PCDH1: variants seen among roughly 807,000 people sequenced by gnomAD.
PCDH1 encodes protocadherin-1.
In PCDH1, 23 loss-of-function variants were observed where a neutral mutation model predicts 74.6. That is an observed-to-expected ratio of 0.31 (90% confidence interval 0.22 to 0.44). The LOEUF is 0.44. Ranked by LOEUF, PCDH1 falls within the 20% of genes least tolerant of loss-of-function variation. PCDH1 has a pLI of 1.00. For missense variants in PCDH1, 1,214 were observed against 1,641.4 expected, an observed-to-expected ratio of 0.74 and a Z score of 4.50; for synonymous variants, 647 against 686.1, an observed-to-expected ratio of 0.94 and a Z score of 0.89.
At chr5:141,876,295 C>A (rs912637701) in intron 1 of PCDH1, among the ~76,000 whole-genome samples, 1 of 152,186 alleles carries the variant, frequency 6.6e-6, no homozygotes, top group Non-Finnish European at 1.5e-5. Context: ...GCCCCCCGCA[C>A]CCAGGCCACC....
Position 141,865,400 on chromosome 5 carries a change from C to T in PCDH1, c.931G>A (p.Ala311Thr). ...AATGTGTATTCGATTTCTGCATTGG[C>T]ACCTTGGTCTGAGTCATTGGCCTTC... The part of the protein sequence containing the change: ...QVKANDSDQG[A>T]NAEIEYTFHQ... The change falls in exon 3 of 5, where the codon GCC (alanine) becomes ACC (threonine). Residue 311 changes from alanine (A) to threonine (T), a missense_variant. Ala to Thr is a moderately conservative substitution (Grantham distance 58). Transcript: ENST00000287008. This position sits in a 1 kb window ranked among gnomAD's most constrained non-coding sequence, Gnocchi z 4.4. 1 of 1,613,652 alleles carries T rather than the reference C, an allele frequency of 6.2e-7. No individual in the cohort carries two copies. The highest frequency in any genetic ancestry group is 1.1e-5 in the South Asian group (1 of 91,080).
rs571384882 is a variant in PCDH1 at position 141,854,237 on chromosome 5, G to T, written c.3519C>A (p.Ser1173Arg). 1.7e-5 allele frequency: 28 copies of T among 1,611,866 alleles called. No individual in the cohort carries two copies. The South Asian group carries it at 2.5e-4, about 15-fold the overall frequency. Residue 1173 changes from serine to arginine, a missense_variant, in exon 5 of 5, where the codon AGC becomes AGA. Around this residue, in one of 4 missense-constraint regions of PCDH1, gnomAD observed 194 missense variants for 198.3 expected, o/e 0.98. Coordinates refer to ENST00000287008, the MANE Select transcript of PCDH1 (RefSeq NM_032420.5). ...TTTTGGTGTTCCGGTCTTCCGGGGGGCTGGGGCTGCCGGCGCCCGCAGGCT... is the reference window on the plus strand; with the variant it reads ...TTTTGGTGTTCCGGTCTTCCGGGGGTCTGGGGCTGCCGGCGCCCGCAGGCT... Reference protein sequence around the residue: ...GQEPAGAGSPSPPEDRNTKTA... With the variant: ...GQEPAGAGSPRPPEDRNTKTA...
chr5:141,863,498 C>T lies in PCDH1; in HGVS notation c.2833G>A (p.Ala945Thr), dbSNP rs529918090. Residue 945 changes from alanine to threonine, a missense_variant, in exon 3 of 5, where the codon GCC becomes ACC. This residue lies in a region of PCDH1 where 836 missense variants were observed against 1,182.2 expected (regional missense o/e 0.71). Transcript: ENST00000287008. This position sits in a 1 kb window ranked among gnomAD's most constrained non-coding sequence, Gnocchi z 7.5. ...KSLKFNLMSD[A>T]PGDSPRIHLP... ...TGGATGCGGGGACTGTCCCCAGGGG[C>T]ATCGCTCATCAGGTTGAACTTGAGG... 12 of 1,611,500 alleles carry T rather than the reference C, an allele frequency of 7.4e-6. No individual in the cohort carries two copies. Among genetic ancestry groups the T allele is most frequent in the African/African-American group, 1.3e-5 (1 of 75,008 alleles).
At chr5:141,873,599 A>C (rs1596562888) in intron 1 of PCDH1, among the ~76,000 whole-genome samples, 2 of 143,570 alleles carry the variant, frequency 1.4e-5, no homozygotes, top group East Asian at 2.1e-4. Context: ...GGCGCCCGCC[A>C]CCATGCCCAG....
chr5:141,870,111 G>A (rs573843061), intron 1 of PCDH1, among the ~76,000 whole-genome samples: 181 of 152,266 alleles, frequency 1.2e-3, no homozygotes, highest in Non-Finnish European at 2.0e-3. Context: ...AATCACCCAC[G>A]GTGCCCAGTA....
chr5:141,863,207 T>A lies in PCDH1; in HGVS notation c.3099+25A>T. 1 of 1,559,924 alleles carries A rather than the reference T, an allele frequency of 6.4e-7. No individual in the cohort carries two copies. Among genetic ancestry groups the A allele is most frequent in the East Asian group, 2.2e-5 (1 of 44,532 alleles). On this transcript the variant is annotated intron_variant, in intron 3 of 4. Coordinates refer to ENST00000287008, the MANE Select transcript of PCDH1 (RefSeq NM_032420.5). The surrounding 1 kb of genome is among the most constrained non-coding windows in gnomAD (Gnocchi z 7.5). Reference sequence around the variant, plus strand: ...TAGGGGTGGGGTAGGGGCTGGGGTGTGCTGAGCTGAAAGGGCTGGCCTACC... The same window carrying A: ...TAGGGGTGGGGTAGGGGCTGGGGTGAGCTGAGCTGAAAGGGCTGGCCTACC...
intron 1 of PCDH1, among the ~76,000 whole-genome samples, chr5:141,873,545 C>G (rs6886546): frequency 0.15 from 22,357 of 151,102 alleles, 3,228 homozygotes; most frequent in African/African-American, 0.38. Context: ...CTGCCAGGTT[C>G]ACGCCATTCT....
At position 141,866,052 on chromosome 5, in the gene PCDH1, A is replaced by T; in HGVS notation, c.904-625T>A. Reference sequence around the variant, plus strand: ...TGTGTTTGTGCATATGTGTGTTTGCACACATGAGTAAAGACTCACATGCCC... The same window carrying T: ...TGTGTTTGTGCATATGTGTGTTTGCTCACATGAGTAAAGACTCACATGCCC... On this transcript the variant is annotated intron_variant, in intron 2 of 4. Transcript: ENST00000287008. 9 of 986,548 alleles carry T rather than the reference A, an allele frequency of 9.1e-6. No individual in the cohort carries two copies. The South Asian group carries it at 4.2e-4, about 46-fold the overall frequency. 61.1% of individuals were successfully genotyped at this position (986,548 alleles called of 1,614,324 possible).
intron 1 of PCDH1, among the ~76,000 whole-genome samples, chr5:141,875,958 G>A (rs1753217113): frequency 2.0e-5 from 3 of 152,096 alleles, no homozygotes; most frequent in African/African-American, 7.2e-5. Flanking sequence ...CCCCTTCCCT[G>A]GCAGCTCCCG....
intron 1 of PCDH1, among the ~76,000 whole-genome samples, chr5:141,873,805 A>T (rs866398455): frequency 1.3e-5 from 2 of 152,048 alleles, no homozygotes; most frequent in Non-Finnish European, 1.5e-5. Flanking sequence ...ACTCATCATC[A>T]TCATCATCTC....
rs112729194 is a variant in PCDH1, at chr5:141,864,330, G to A, written c.2001C>T (p.Ile667=). 64 of 1,614,120 alleles carry A rather than the reference G, an allele frequency of 4.0e-5. No individual in the cohort carries two copies. In the African/African-American group the frequency reaches 7.3e-4, roughly 18 times the overall value. Residue 667 remains isoleucine, a synonymous_variant, in exon 3 of 5, where the codon ATC becomes ATT. Transcript: ENST00000287008. The surrounding 1 kb of genome is among the most constrained non-coding windows in gnomAD (Gnocchi z 5.9). ...DFVIQNGTGT[I]LSSLSFDREQ... is the part of the protein sequence containing the mutation. ...CTCGATCAAAGCTCAGGCTGGATAG[G>A]ATGGTGCCTGTGCCATTCTGGATAA...
chr5:141,868,270 C>T lies in PCDH1; in HGVS notation c.903+299G>A, dbSNP rs552259774. On this transcript the variant is annotated intron_variant, in intron 2 of 4. Transcript: ENST00000287008. The surrounding 1 kb of genome is among the most constrained non-coding windows in gnomAD (Gnocchi z 4.8). ...CACCTGGCTAGCAGAGAAGGATCTACTTGACTAGGGCGGGAGTTTTACTTC... is the reference window on the plus strand; with the variant it reads ...CACCTGGCTAGCAGAGAAGGATCTATTTGACTAGGGCGGGAGTTTTACTTC... Among the ~76,000 whole-genome samples the T allele has an allele frequency of 2.6e-5, 4 of 152,222 alleles. No individual in the cohort carries two copies. The highest frequency in any genetic ancestry group is 9.6e-5 in the African/African-American group (4 of 41,464).
Position 141,868,282 on chromosome 5 carries a change from G to A in PCDH1, c.903+287C>T, listed in dbSNP as rs780877377. Among the ~76,000 whole-genome samples, 24 of 152,322 alleles carry A rather than the reference G, an allele frequency of 1.6e-4. No homozygotes were observed. Among genetic ancestry groups the A allele is most frequent in the South Asian group, 4.1e-4 (2 of 4,828 alleles). On this transcript the variant is annotated intron_variant, in intron 2 of 4. Transcript: ENST00000287008. This position sits in a 1 kb window ranked among gnomAD's most constrained non-coding sequence, Gnocchi z 4.8. ...AGAGAAGGATCTACTTGACTAGGGC[G>A]GGAGTTTTACTTCTCAGAGGTTCCC...
Position 141,865,325 on chromosome 5 carries a change from T to C in PCDH1, c.1006A>G (p.Thr336Ala), listed in dbSNP as rs1752775254. Residue 336 changes from threonine (T) to alanine (A), a missense_variant, in exon 3 of 5, where the codon ACT (threonine) becomes GCT (alanine). Thr to Ala is a moderately conservative substitution (Grantham distance 58). Transcript: ENST00000287008. The surrounding 1 kb of genome is among the most constrained non-coding windows in gnomAD (Gnocchi z 4.4). The stretch of plus-strand genomic sequence containing the variant: ...GGGCCCTGAACAGTGATAAGTCCAG[T>C]GTTCCTGTCCAGTCGAAGAAGACGC... ...VRRLLRLDRN[T>A]GLITVQGPVD... The C allele has an allele frequency of 6.2e-7, 1 of 1,614,144 alleles. No homozygotes were observed. The highest frequency in any genetic ancestry group is 8.5e-7 in the Non-Finnish European group (1 of 1,180,016).
In PCDH1 at chr5:141,863,441, C is replaced by T. The variant is rs750102842; in HGVS notation, c.2890G>A (p.Asp964Asn). The change falls in exon 3 of 5, where the codon GAC becomes AAC. Residue 964 changes from aspartate (D) to asparagine (N), a missense_variant. By Grantham distance (23) the Asp-to-Asn change is conservative. Transcript: ENST00000287008. This position sits in a 1 kb window ranked among gnomAD's most constrained non-coding sequence, Gnocchi z 7.5. ...LPLNYPPGSP[D>N]LGRHYRSNSP... is the part of the protein sequence containing the mutation. ...TTAGAGCGATAGTGGCGGCCCAGGTCAGGGCTGCCTGGTGGGTAGTTGAGG... is the reference window on the plus strand; with the variant it reads ...TTAGAGCGATAGTGGCGGCCCAGGTTAGGGCTGCCTGGTGGGTAGTTGAGG... The T allele has an allele frequency of 6.4e-7, 1 of 1,568,098 alleles. No homozygotes were observed. The highest frequency in any genetic ancestry group is 1.2e-5 in the South Asian group (1 of 81,958).
chr5:141,864,770 G>C lies in PCDH1; in HGVS notation c.1561C>G (p.Pro521Ala), dbSNP rs372512626. The C allele has an allele frequency of 1.1e-5, 17 of 1,613,986 alleles. No individual in the cohort carries two copies. Among genetic ancestry groups the C allele is most frequent in the Admixed American group, 1.7e-5 (1 of 59,994 alleles). The change falls in exon 3 of 5, where the codon CCT becomes GCT. Residue 521 changes from proline to alanine, a missense_variant. Around this residue, in one of 4 missense-constraint regions of PCDH1, gnomAD observed 836 missense variants for 1,182.2 expected, o/e 0.71. Coordinates refer to ENST00000287008, the MANE Select transcript of PCDH1 (RefSeq NM_032420.5). The surrounding 1 kb of genome is among the most constrained non-coding windows in gnomAD (Gnocchi z 5.9). ...TEVAFPENNKPGEVIAEITAS... is the reference protein window; with the variant it reads ...TEVAFPENNKAGEVIAEITAS... ...GTGATCTCAGCAATCACTTCACCAG[G>C]CTTGTTGTTTTCCGGGAAGGCGACC... is the stretch of plus-strand genomic sequence containing the variant.
chr5:141,858,073 T>A (rs771213093), intron 3 of PCDH1, among the ~76,000 whole-genome samples: 42 of 152,186 alleles, frequency 2.8e-4, no homozygotes, highest in Admixed American at 1.2e-3. Flanking sequence ...GTCTCACTGC[T>A]CTTGCCACTG....
In PCDH1 at chr5:141,865,419, G is replaced by C. The variant is rs1752781169; in HGVS notation, c.912C>G (p.Ala304=). Residue 304 remains alanine, a synonymous_variant, in exon 3 of 5, where the codon GCC becomes GCG. Coordinates refer to ENST00000287008, the MANE Select transcript of PCDH1 (RefSeq NM_032420.5). This position sits in a 1 kb window ranked among gnomAD's most constrained non-coding sequence, Gnocchi z 4.4. The part of the protein sequence containing the change: ...PIGHSVIQVK[A]NDSDQGANAE... ...CATTGGCACCTTGGTCTGAGTCATT[G>C]GCCTTCACCTATAGGGCAGGAGAGA... 3.1e-6 allele frequency: 5 copies of C among 1,612,754 alleles called. No individual in the cohort carries two copies. In the East Asian group the frequency reaches 1.1e-4, roughly 36 times the overall value.
chr5:141,863,094 C>G lies in PCDH1; in HGVS notation c.3099+138G>C. 1 of 1,399,536 alleles carries G rather than the reference C, an allele frequency of 7.1e-7. No individual in the cohort carries two copies. 86.7% of individuals were successfully genotyped at this position (1,399,536 alleles called of 1,614,324 possible). On this transcript the variant is annotated intron_variant, in intron 3 of 4. Coordinates refer to ENST00000287008, the MANE Select transcript of PCDH1 (RefSeq NM_032420.5). The surrounding 1 kb of genome is among the most constrained non-coding windows in gnomAD (Gnocchi z 7.5). The stretch of plus-strand genomic sequence containing the variant: ...GGTGAGGCACTAAGGCCCCACCTCC[C>G]ACTGCTGGCTCAGGCTGGCCCCCAA...
Sources: allele counts gnomAD v4.1 joint callset (sites outside exome capture counted in the v4.1 genomes callset), GRCh38; gene constraint gnomAD v4.1.1; regional missense constraint gnomAD v4.1.1; non-coding constraint Gnocchi (gnomAD v3.1); transcripts MANE v1.5; gene names NCBI Gene and HGNC (gene_info 2026-07-23, HGNC 2026-07-21).